Variants in KLKB1 observed in about 807,000 individuals in gnomAD.
KLKB1 encodes the protein plasma kallikrein.
KLKB1 carries 58 observed loss-of-function variants against 73.6 expected under a neutral mutation model. The ratio of observed to expected loss-of-function variants is 0.79; its 90% CI spans 0.64 to 0.98. The LOEUF (loss-of-function observed/expected upper bound fraction) is 0.98. Ranked by LOEUF, KLKB1 falls within the 50% of genes least tolerant of loss-of-function variation. The pLI, the probability that KLKB1 is intolerant of heterozygous loss-of-function variation, is 0.00. For synonymous variants in KLKB1, 280 were observed against 258.1 expected (o/e 1.08, Z -0.81); for missense variants, 737 against 763.8 (o/e 0.96, Z 0.41).
rs1739128876 is a variant in KLKB1, at chr4:186,258,276, G to C, written c.*64G>C. 1 of 1,373,316 alleles carries C rather than the reference G, an allele frequency of 7.3e-7. No individual in the cohort carries two copies. The highest frequency in any genetic ancestry group is 1.0e-6 in the Non-Finnish European group (1 of 978,408). 85.1% of individuals were successfully genotyped at this position (1,373,316 alleles called of 1,614,324 possible). ...TTCAAGTCAAATTCTGAGCCTGGGG[G>C]GTCCTCATCTGCAAAGCATGGAGAG... is the stretch of plus-strand genomic sequence containing the variant. On this transcript the variant is annotated 3_prime_UTR_variant, in exon 15 of 15. Transcript: ENST00000264690.
At chr4:186,253,126 T>A (rs1046498091) in intron 11 of KLKB1, among the ~76,000 whole-genome samples, 7 of 152,222 alleles carry the variant, frequency 4.6e-5, no homozygotes, top group African/African-American at 1.4e-4. Flanking sequence ...AAGTGACACA[T>A]TTAAAATGCT....
intron 2 of KLKB1, chr4:186,211,992 G>C (rs1736738038): frequency 6.6e-6 from 1 of 152,062 alleles, no homozygotes; most frequent in Non-Finnish European, 1.5e-5. Flanking sequence ...GTGCCTCACA[G>C]AGTTAATCAT....
chr4:186,225,423 C>CTTTTTTTTTTT (rs35336018), upstream of KLKB1, among the ~76,000 whole-genome samples: 1 of 106,684 alleles, frequency 9.4e-6, no homozygotes, highest in Non-Finnish European at 1.9e-5. Context: ...GTGAGGATTT[C>CTTTTTTTTTTT]TTTTTTTTTT....
intron 11 of KLKB1, among the ~76,000 whole-genome samples, chr4:186,253,403 C>T (rs577396966): frequency 2.0e-5 from 3 of 152,248 alleles, no homozygotes; most frequent in South Asian, 4.2e-4. Context: ...ACCTTGTCAT[C>T]GTGTGAAGGG....
At chr4:186,237,078 A>G in intron 5 of KLKB1, 138 bp downstream of exon 5, 1 of 714,938 alleles carries the variant, frequency 1.4e-6, no homozygotes, top group South Asian at 2.1e-5. Context: ...TACTTACTCT[A>G]TTTTATTTTT....
intron 11 of KLKB1, among the ~76,000 whole-genome samples, chr4:186,252,539 C>T (rs1424939932): frequency 3.4e-5 from 5 of 147,702 alleles, no homozygotes; most frequent in Non-Finnish European, 7.5e-5. Flanking sequence ...CCAATCCTAC[C>T]ACCCACCATC....
At chr4:186,252,732 A>AACCACCAATCCCACCACCAATCCC (rs1036548031) in intron 11 of KLKB1, among the ~76,000 whole-genome samples, 6 of 62,464 alleles carry the variant, frequency 9.6e-5, no homozygotes, top group Non-Finnish European at 2.0e-4. Flanking sequence ...TCCCGCCACC[A>AACCACCAATCCCACCACCAATCCC]ACCACCAATC....
At chr4:186,231,086 T>C (rs577813935) in intron 2 of KLKB1, among the ~76,000 whole-genome samples, 82 of 151,874 alleles carry the variant, frequency 5.4e-4, no homozygotes, top group Non-Finnish European at 6.9e-4. Context: ...CCCCAGGGGG[T>C]AGGATAGTGC....
At chr4:186,220,016 G>A (rs1736998454) in intron 2 of KLKB1, among the ~76,000 whole-genome samples, 1 of 152,028 alleles carries the variant, frequency 6.6e-6, no homozygotes, top group African/African-American at 2.4e-5. Context: ...GTGTCCAGGT[G>A]GCAAGCTTAA....
Position 186,257,257 on chromosome 4 carries a change from T to C in KLKB1, c.1617T>C (p.Asn539=). ...TCCAAAATATTCTACAAAAGGTAAA[T>C]ATTCCTTTGGTAACAAATGAAGAAT... ...GEIQNILQKV[N]IPLVTNEECQ... The change falls in exon 14 of 15, where the codon AAT becomes AAC. Residue 539 remains asparagine, a synonymous_variant. Coordinates refer to ENST00000264690, the MANE Select transcript of KLKB1 (RefSeq NM_000892.5). The C allele has an allele frequency of 1.9e-6, 3 of 1,598,840 alleles. No homozygotes were observed. Among genetic ancestry groups the C allele is most frequent in the Non-Finnish European group, 2.6e-6 (3 of 1,170,424 alleles).
At chr4:186,235,212 C>T (rs1041255890) in intron 4 of KLKB1, among the ~76,000 whole-genome samples, 5 of 152,202 alleles carry the variant, frequency 3.3e-5, no homozygotes, top group Middle Eastern at 3.4e-3. Flanking sequence ...ATAAATTATT[C>T]GAGTAAGTGC....
At chr4:186,235,498 A>G (rs1737618247) in intron 4 of KLKB1, among the ~76,000 whole-genome samples, 1 of 152,164 alleles carries the variant, frequency 6.6e-6, no homozygotes. Context: ...CTTTTCTCAC[A>G]TGCAGAAAAA....
intron 2 of KLKB1, among the ~76,000 whole-genome samples, chr4:186,216,733 C>G (rs141123985): frequency 3.3e-5 from 5 of 152,208 alleles, no homozygotes; most frequent in Admixed American, 3.3e-4. Flanking sequence ...AGATGACTCT[C>G]AGGTCCTTCC....
chr4:186,249,677 A>G (rs1268142010), intron 6 of KLKB1, among the ~76,000 whole-genome samples: 1 of 152,208 alleles, frequency 6.6e-6, no homozygotes, highest in Non-Finnish European at 1.5e-5. Context: ...TAGAGAGTGC[A>G]TTGAATCTGT....
intron 6 of KLKB1, among the ~76,000 whole-genome samples, chr4:186,245,811 TGTTTGTTTTTTGG>T (rs756257191): frequency 0.025 from 2,838 of 113,960 alleles, 576 homozygotes; most frequent in Non-Finnish European, 0.041. Flanking sequence ...AGTTTTTTTT[TGTTTGTTTTTTGG>T]TTTTTTTTTT....
chr4:186,255,682 C>A (rs1391821829), intron 12 of KLKB1, among the ~76,000 whole-genome samples: 1 of 152,148 alleles, frequency 6.6e-6, no homozygotes, highest in Non-Finnish European at 1.5e-5. Flanking sequence ...AGTGAAGATA[C>A]CCTGCTATGA....
At chr4:186,221,392 C>G (rs1215047580) in intron 2 of KLKB1, among the ~76,000 whole-genome samples, 4 of 149,886 alleles carry the variant, frequency 2.7e-5, no homozygotes, top group Non-Finnish European at 5.9e-5. Flanking sequence ...TAGGATATTT[C>G]AGATCTTTCC....
At chr4:186,239,634 G>A (rs1022396750) in intron 6 of KLKB1, among the ~76,000 whole-genome samples, 2 of 139,584 alleles carry the variant, frequency 1.4e-5, no homozygotes, top group Admixed American at 7.1e-5. Flanking sequence ...GATACTGTTA[G>A]AGTTATAGGT....
intron 4 of KLKB1, among the ~76,000 whole-genome samples, chr4:186,236,151 ACTGT>A (rs1245238602): frequency 2.0e-5 from 3 of 150,752 alleles, no homozygotes; most frequent in Non-Finnish European, 4.4e-5. Context: ...ATTTTGCTTC[ACTGT>A]CTGTGAAAAG....
Sources: allele counts gnomAD v4.1 joint callset (sites outside exome capture counted in the v4.1 genomes callset), GRCh38; gene constraint gnomAD v4.1.1; transcripts MANE v1.5; gene names NCBI Gene and HGNC (gene_info 2026-07-23, HGNC 2026-07-21).